The following CLSTN2 variants were observed in gnomAD, a reference collection of about 807,000 sequenced individuals.
CLSTN2 encodes calsyntenin 2, also known as calsyntenin-2.
In CLSTN2, 48 loss-of-function variants were observed where a neutral mutation model predicts 101.2. That is an observed-to-expected ratio of 0.47 (90% CI 0.38 to 0.60). The LOEUF (loss-of-function observed/expected upper bound fraction) is 0.60, where lower values mean the gene tolerates loss of function less well. Ranked by LOEUF, CLSTN2 falls within the 20% of genes least tolerant of loss-of-function variation. The pLI, the probability that CLSTN2 is intolerant of heterozygous loss-of-function variation, is 0.00. For missense variants in CLSTN2, 1,160 were observed against 1,238.2 expected (o/e 0.94, Z 0.95); for synonymous variants, 481 against 463.6 (o/e 1.04, Z -0.48).
At chr3:140,320,827 A>G (rs531598781) in intron 2 of CLSTN2, among the ~76,000 whole-genome samples, 9 of 152,274 alleles carry the variant, frequency 5.9e-5, no homozygotes, top group East Asian at 1.9e-4. Flanking sequence ...CAGAAATGCA[A>G]ACATAGACAG....
rs564473935 is a variant in CLSTN2 at position 139,955,713 on chromosome 3, T to C, written c.109+20230T>C. On this transcript the variant is annotated intron_variant, in intron 1 of 16. Transcript: ENST00000458420. Reference sequence around the variant, plus strand: ...CTCAGATGTGCCTCTCACTAGCTGATGGCTTGCATTTTCTCCTGGATTCCT... The same window carrying C: ...CTCAGATGTGCCTCTCACTAGCTGACGGCTTGCATTTTCTCCTGGATTCCT... 5.3e-4 allele frequency among the ~76,000 whole-genome samples: 31 copies of C among 59,006 alleles called. No homozygotes were observed. The Admixed American group carries it at 5.4e-3, about 10-fold the overall frequency. 38.7% of individuals were successfully genotyped at this position (59,006 alleles called of 152,430 possible).
At chr3:140,332,232 C>T (rs189762306) in intron 2 of CLSTN2, among the ~76,000 whole-genome samples, 1 of 152,216 alleles carries the variant, frequency 6.6e-6, no homozygotes, top group East Asian at 1.9e-4. Flanking sequence ...CAAGAGAGAA[C>T]AGCAGGTTCA....
intron 2 of CLSTN2, among the ~76,000 whole-genome samples, chr3:140,262,226 A>T (rs62267965): frequency 0.012 from 1,884 of 152,322 alleles, 14 homozygotes; most frequent in Middle Eastern, 0.017. Flanking sequence ...AACTAGAAGC[A>T]AGAGTAGCTG....
At chr3:140,137,545 C>T (rs1381222086) in intron 1 of CLSTN2, among the ~76,000 whole-genome samples, 2 of 152,138 alleles carry the variant, frequency 1.3e-5, no homozygotes, top group East Asian at 3.9e-4. Context: ...AGACCCCAAG[C>T]TCTTGATGGC....
chr3:140,157,206 T>TC (rs1409529871), intron 1 of CLSTN2, among the ~76,000 whole-genome samples: 1 of 152,008 alleles, frequency 6.6e-6, no homozygotes, highest in African/African-American at 2.4e-5. Flanking sequence ...TAAAGGTTTT[T>TC]TTTTTCCCCA....
intron 8 of CLSTN2, among the ~76,000 whole-genome samples, chr3:140,515,347 CTTTG>C (rs1386414301): frequency 6.6e-6 from 1 of 151,870 alleles, no homozygotes; most frequent in Non-Finnish European, 1.5e-5. Context: ...TGTTTTTCTG[CTTTG>C]TTTGTTTCAG....
At chr3:140,065,226 A>G (rs10935367) in intron 1 of CLSTN2, among the ~76,000 whole-genome samples, 57,562 of 152,096 alleles carry the variant, frequency 0.38, 12,285 homozygotes, top group East Asian at 0.56. Context: ...AGGTGTGTGG[A>G]AGGTGAGGCC....
At chr3:140,220,631 G>T (rs1361014372) in intron 2 of CLSTN2, among the ~76,000 whole-genome samples, 2 of 152,226 alleles carry the variant, frequency 1.3e-5, no homozygotes, top group Admixed American at 6.5e-5. Context: ...CATTCAATCA[G>T]TAGAAATATC....
intron 2 of CLSTN2, among the ~76,000 whole-genome samples, chr3:140,216,934 C>T (rs753767989): frequency 3.9e-5 from 6 of 152,136 alleles, no homozygotes; most frequent in African/African-American, 1.2e-4. Context: ...TATACTAACT[C>T]ATAGTCCTTA....
At chr3:140,133,558 T>C (rs1025824908) in intron 1 of CLSTN2, among the ~76,000 whole-genome samples, 2 of 152,094 alleles carry the variant, frequency 1.3e-5, no homozygotes, top group Admixed American at 1.3e-4. Context: ...TGCAAGATAG[T>C]TTTGGGAAGG....
chr3:140,292,853 A>C lies in CLSTN2; in HGVS notation c.233-110776A>C, dbSNP rs1050774845. 2.0e-5 allele frequency among the ~76,000 whole-genome samples: 3 copies of C among 152,348 alleles called. No individual in the cohort carries two copies. The East Asian group carries it at 5.8e-4, about 29-fold the overall frequency. ...CAAATAGTTAATGACTAAATAAACCACAGCTTTCCACTTTGGAAGACTGTA... is the reference window on the plus strand; with the variant it reads ...CAAATAGTTAATGACTAAATAAACCCCAGCTTTCCACTTTGGAAGACTGTA... On this transcript the variant is annotated intron_variant, in intron 2 of 16. Transcript: ENST00000458420.
chr3:140,106,027 T>C (rs1396631466), intron 1 of CLSTN2, among the ~76,000 whole-genome samples: 1 of 152,134 alleles, frequency 6.6e-6, no homozygotes, highest in Non-Finnish European at 1.5e-5. Flanking sequence ...GAAAGATGGG[T>C]GGAGGCCTTT....
At chr3:140,421,335 T>C (rs2088504083) in intron 5 of CLSTN2, 61 bp downstream of exon 5, 1 of 1,580,382 alleles carries the variant, frequency 6.3e-7, no homozygotes, top group Non-Finnish European at 8.6e-7. Flanking sequence ...GAAGGTGGTG[T>C]ACTTGTCCTC....
intron 2 of CLSTN2, among the ~76,000 whole-genome samples, chr3:140,243,923 A>G (rs2086492844): frequency 6.6e-6 from 1 of 152,226 alleles, no homozygotes; most frequent in South Asian, 2.1e-4. Context: ...GACTACAGCC[A>G]GGCCTGGTAA....
chr3:140,340,022 G>A (rs754379057), intron 2 of CLSTN2, among the ~76,000 whole-genome samples: 9 of 152,164 alleles, frequency 5.9e-5, no homozygotes, highest in East Asian at 3.9e-4. Context: ...GAAAATGAGC[G>A]CATGATCTTG....
rs1377026111 is a variant in CLSTN2, at chr3:140,419,761, GTATACACGTGTATACACGTA to G, written c.638-1354_638-1335del. On this transcript the variant is annotated intron_variant, in intron 4 of 16. Coordinates refer to ENST00000458420, the MANE Select transcript of CLSTN2 (RefSeq NM_022131.3). ...TATACGTATATATACACATATACGT[GTATACACGTGTATACACGTA>G]TATACACGTATACGTGTATATACGT... Among the ~76,000 whole-genome samples the G allele has an allele frequency of 6.5e-5, 4 of 61,724 alleles. 2 individuals are homozygous for G. Among genetic ancestry groups the G allele is most frequent in the Non-Finnish European group, 1.0e-4 (4 of 39,062 alleles). 40.5% of individuals were successfully genotyped at this position (61,724 alleles called of 152,430 possible). A position where few individuals can be genotyped will look rare whatever the true frequency, so the allele number is the denominator to read the frequency against.
At chr3:140,533,072 A>G (rs1357178305) in intron 9 of CLSTN2, among the ~76,000 whole-genome samples, 2 of 152,196 alleles carry the variant, frequency 1.3e-5, no homozygotes, top group Non-Finnish European at 2.9e-5. Flanking sequence ...TCCCACTTGA[A>G]GGTATCTGCC....
intron 1 of CLSTN2, among the ~76,000 whole-genome samples, chr3:140,085,920 T>C (rs1409894313): frequency 6.6e-6 from 1 of 152,204 alleles, no homozygotes; most frequent in Non-Finnish European, 1.5e-5. Flanking sequence ...TTGCAGAGAA[T>C]GAGCTAAAGT....
At chr3:140,374,382 A>G (rs777631497) in intron 2 of CLSTN2, among the ~76,000 whole-genome samples, 5 of 152,004 alleles carry the variant, frequency 3.3e-5, no homozygotes, top group Non-Finnish European at 7.4e-5. Flanking sequence ...TTTATAACCC[A>G]ACTCAAGTTC....
Sources: allele counts gnomAD v4.1 joint callset (sites outside exome capture counted in the v4.1 genomes callset), GRCh38; gene constraint gnomAD v4.1.1; transcripts MANE v1.5; gene names NCBI Gene and HGNC (gene_info 2026-07-23, HGNC 2026-07-21).